The following PMS1 variants were observed in gnomAD, a reference collection of about 807,000 sequenced individuals.
The protein encoded by PMS1 is PMS1 homolog 1, mismatch repair system component.
In PMS1, 79 loss-of-function variants were observed where a neutral mutation model predicts 93.1. The ratio of observed to expected loss-of-function variants is 0.85; its 90% CI spans 0.71 to 1.02. PMS1 has a LOEUF of 1.02. Ranked by LOEUF, PMS1 falls within the 50% of genes least tolerant of loss-of-function variation. The pLI is 0.00. For missense variants in PMS1, 1,064 were observed against 1,085.3 expected (o/e 0.98, Z 0.28); for synonymous variants, 335 against 363.4 (o/e 0.92, Z 0.89).
intron 5 of PMS1, among the ~76,000 whole-genome samples, chr2:189,822,628 C>G (rs1013908507): frequency 6.6e-6 from 1 of 152,146 alleles, no homozygotes; most frequent in African/African-American, 2.4e-5. Flanking sequence ...TTCATCCATT[C>G]CTGTGCTAAG....
At chr2:189,799,535 CATATGGTATGTA>C (rs373720066) in intron 3 of PMS1, among the ~76,000 whole-genome samples, 14 of 152,162 alleles carry the variant, frequency 9.2e-5, no homozygotes, top group African/African-American at 2.9e-4. Context: ...TAAATGAAAT[CATATGGTATGTA>C]TTATTTTGGC....
intron 3 of PMS1, among the ~76,000 whole-genome samples, chr2:189,799,427 G>T (rs1414289251): frequency 6.6e-6 from 1 of 152,070 alleles, no homozygotes. Context: ...ACCCCAGAAG[G>T]TTCCCTCATA....
rs2055091116 is a variant in PMS1, at chr2:189,854,297, G to A, written c.1025G>A (p.Ser342Asn). Reference sequence around the variant, plus strand: ...ACGACTTGTTATGGACCATTACCTAGTACAAATTCTTATGAAAATAATAAA... The same window carrying A: ...ACGACTTGTTATGGACCATTACCTAATACAAATTCTTATGAAAATAATAAA... Reference protein sequence around the residue: ...LMTTCYGPLPSTNSYENNKTD... With the variant: ...LMTTCYGPLPNTNSYENNKTD... The change falls in exon 9 of 13, where the codon AGT (serine) becomes AAT (asparagine). Residue 342 changes from serine to asparagine, a missense_variant. Transcript: ENST00000441310. 1 of 1,593,770 alleles carries A rather than the reference G, an allele frequency of 6.3e-7. No individual in the cohort carries two copies. The highest frequency in any genetic ancestry group is 8.5e-7 in the Non-Finnish European group (1 of 1,171,268).
At chr2:189,844,872 T>G (rs188462419) in intron 6 of PMS1, among the ~76,000 whole-genome samples, 1 of 152,028 alleles carries the variant, frequency 6.6e-6, no homozygotes, top group African/African-American at 2.4e-5. Context: ...CTTTCTTTTT[T>G]TTTGAGACAG....
chr2:189,789,532 A>G (rs1173282107), intron 1 of PMS1, among the ~76,000 whole-genome samples: 1 of 152,180 alleles, frequency 6.6e-6, no homozygotes, highest in Non-Finnish European at 1.5e-5. Flanking sequence ...CACTCTCAGA[A>G]CCCAATATGT....
At chr2:189,830,543 A>G (rs911289407) in intron 5 of PMS1, among the ~76,000 whole-genome samples, 1 of 152,048 alleles carries the variant, frequency 6.6e-6, no homozygotes, top group Non-Finnish European at 1.5e-5. Flanking sequence ...AGTATCCAAT[A>G]TGCTATATAT....
chr2:189,795,668 A>T, intron 2 of PMS1, 101 bp from the exon 3 acceptor site: 2 of 952,344 alleles, frequency 2.1e-6, no homozygotes, highest in South Asian at 2.8e-5. Flanking sequence ...TGCTTCCATA[A>T]AAGTAAATAA....
intron 10 of PMS1, among the ~76,000 whole-genome samples, chr2:189,866,620 T>G (rs2056683062): frequency 6.6e-6 from 1 of 152,196 alleles, no homozygotes; most frequent in South Asian, 2.1e-4. Context: ...AAGTAAGGGC[T>G]CAATAACAAT....
intron 3 of PMS1, among the ~76,000 whole-genome samples, chr2:189,797,519 A>T (rs763982519): frequency 4.6e-5 from 7 of 151,984 alleles, no homozygotes; most frequent in Non-Finnish European, 7.4e-5. Context: ...TTGGGCTCTT[A>T]TTGTGTGACA....
intron 3 of PMS1, among the ~76,000 whole-genome samples, chr2:189,796,852 T>A (rs997587368): frequency 1.3e-5 from 2 of 150,090 alleles, no homozygotes; most frequent in Non-Finnish European, 3.0e-5. Flanking sequence ...TACAAATACC[T>A]GTTTGAGTCC....
At chr2:189,851,147 G>A (rs2054672934) in intron 6 of PMS1, among the ~76,000 whole-genome samples, 1 of 152,024 alleles carries the variant, frequency 6.6e-6, no homozygotes, top group Non-Finnish European at 1.5e-5. Context: ...ACTTTGCCAT[G>A]TAACTTAAAC....
intron 6 of PMS1, among the ~76,000 whole-genome samples, chr2:189,851,200 A>G (rs2054678303): frequency 6.6e-6 from 1 of 152,186 alleles, no homozygotes. Flanking sequence ...TTTAAAGCTC[A>G]GTATCTAGAA....
intron 10 of PMS1, among the ~76,000 whole-genome samples, chr2:189,866,691 T>G (rs2056687999): frequency 6.6e-6 from 1 of 152,314 alleles, no homozygotes; most frequent in Admixed American, 6.5e-5. Context: ...TTGGCAAAGT[T>G]TTTTCATGAT....
intron 5 of PMS1, among the ~76,000 whole-genome samples, chr2:189,835,505 A>G (rs1372999908): frequency 6.6e-6 from 1 of 152,196 alleles, no homozygotes; most frequent in Non-Finnish European, 1.5e-5. Flanking sequence ...AACCTTTTAA[A>G]TATTGTGTTT....
At chr2:189,793,178 G>GAGCTAAGA in intron 2 of PMS1, among the ~76,000 whole-genome samples, 1 of 152,162 alleles carries the variant, frequency 6.6e-6, no homozygotes, top group Non-Finnish European at 1.5e-5. Context: ...GTAAGTAGTG[G>GAGCTAAGA]AGCTAAGACT....
intron 1 of PMS1, among the ~76,000 whole-genome samples, chr2:189,787,436 A>G (rs1055107690): frequency 5.9e-5 from 9 of 152,208 alleles, no homozygotes; most frequent in Non-Finnish European, 1.2e-4. Flanking sequence ...ACAGCAGGAA[A>G]AAAAAAGTTT....
chr2:189,825,797 C>T (rs1313133067), intron 5 of PMS1, among the ~76,000 whole-genome samples: 1 of 152,208 alleles, frequency 6.6e-6, no homozygotes, highest in Non-Finnish European at 1.5e-5. Context: ...TTCTATATCA[C>T]ATGAGCATTA....
intron 5 of PMS1, among the ~76,000 whole-genome samples, chr2:189,838,146 T>C (rs1039741618): frequency 6.6e-6 from 1 of 152,242 alleles, no homozygotes; most frequent in African/African-American, 2.4e-5. Context: ...GGGTGAATTG[T>C]AGAGTATATG....
intron 5 of PMS1, among the ~76,000 whole-genome samples, chr2:189,826,519 C>T (rs567440882): frequency 6.7e-6 from 1 of 148,800 alleles, no homozygotes; most frequent in Non-Finnish European, 1.5e-5. Context: ...ATGTGTTCCT[C>T]TTTTGTTAAG....
Sources: gnomAD v4.1 joint callset for allele counts (sites outside exome capture counted in the v4.1 genomes callset) on GRCh38, gnomAD v4.1.1 for gene constraint, MANE v1.5 for transcripts, NCBI Gene and HGNC (gene_info 2026-07-23, HGNC 2026-07-21) for gene names.